Variants in DYNC2H1 observed in about 807,000 individuals in gnomAD.
DYNC2H1 encodes the protein cytoplasmic dynein 2 heavy chain 1.
DYNC2H1 carries 410 observed loss-of-function variants against 570.0 expected under a neutral mutation model. The observed-to-expected ratio is 0.72, with a 90% confidence interval of 0.66 to 0.78. The LOEUF is 0.78. Ranked by LOEUF, DYNC2H1 falls within the 30% of genes least tolerant of loss-of-function variation. DYNC2H1 has a pLI of 0.00. For synonymous variants in DYNC2H1, 1,688 were observed against 1,677.6 expected, an observed-to-expected ratio of 1.01 and a Z score of -0.15; for missense variants, 4,865 against 5,046.4, an observed-to-expected ratio of 0.96 and a Z score of 1.09.
Position 103,304,509 on chromosome 11 carries a change from ATTACTATTATTGAATCTCATAC to A in DYNC2H1, c.11257-84_11257-63del, listed in dbSNP as rs1867191305. 5.0e-6 allele frequency: 7 copies of A among 1,397,190 alleles called. No homozygotes were observed. The South Asian group carries it at 1.2e-4, about 23-fold the overall frequency. 86.5% of individuals were successfully genotyped at this position (1,397,190 alleles called of 1,614,324 possible). Reference sequence around the variant, plus strand: ...TAAAGCCAGTTAGGAAGGTTTAGGGATTACTATTATTGAATCTCATACTGTTATATTACAACATGTTAGCAGA... The same window carrying A: ...TAAAGCCAGTTAGGAAGGTTTAGGGATGTTATATTACAACATGTTAGCAGA... On this transcript the variant is annotated intron_variant, in intron 76 of 88. Transcript: ENST00000375735.
chr11:103,451,545 A>T (rs1944604957), intron 85 of DYNC2H1, among the ~76,000 whole-genome samples: 1 of 151,856 alleles, frequency 6.6e-6, no homozygotes, highest in African/African-American at 2.4e-5. Context: ...GTTGGCCAGG[A>T]TGGTCTCGAT....
In DYNC2H1 at chr11:103,188,527, A is replaced by T. The variant is rs781029433; in HGVS notation, c.7171A>T (p.Asn2391Tyr). ...VLTYQGFYDE[N>Y]LEWVGLENIQ... The stretch of plus-strand genomic sequence containing the variant: ...GACGTATCAAGGATTTTATGATGAA[A>T]ATTTGGAATGGGTTGGTCTAGAAAA... The change falls in exon 44 of 89, where the codon AAT becomes TAT. Residue 2391 changes from asparagine to tyrosine, a missense_variant. Physicochemically the swap from Asn to Tyr is moderately radical, Grantham distance 143. Around this residue, in one of 5 missense-constraint regions of DYNC2H1, gnomAD observed 2,401 missense variants for 2,454.6 expected, o/e 0.98. Coordinates refer to ENST00000375735, the MANE Select transcript of DYNC2H1 (RefSeq NM_001377.3). 3 of 1,607,376 alleles carry T rather than the reference A, an allele frequency of 1.9e-6. No homozygotes were observed. The Admixed American group carries it at 5.0e-5, about 27-fold the overall frequency.
chr11:103,183,042 G>A (rs1439964280), intron 40 of DYNC2H1, among the ~76,000 whole-genome samples: 1 of 151,846 alleles, frequency 6.6e-6, no homozygotes, highest in African/African-American at 2.4e-5. Flanking sequence ...GCAACATACA[G>A]CATCTACCAA....
At chr11:103,110,082 GT>G (rs1858038622) in intron 1 of DYNC2H1, among the ~76,000 whole-genome samples, 1 of 152,196 alleles carries the variant, frequency 6.6e-6, no homozygotes, top group African/African-American at 2.4e-5. Context: ...TGGATGGAGT[GT>G]AGTGGCGCGA....
chr11:103,221,152 G>A (rs893144068), intron 57 of DYNC2H1, among the ~76,000 whole-genome samples: 2 of 151,876 alleles, frequency 1.3e-5, no homozygotes, highest in Non-Finnish European at 2.9e-5. Context: ...TACCGAGAGA[G>A]GGAAAAAGAC....
intron 73 of DYNC2H1, among the ~76,000 whole-genome samples, chr11:103,283,618 T>C (rs1422132209): frequency 2.0e-5 from 3 of 152,210 alleles, no homozygotes; most frequent in Non-Finnish European, 2.9e-5. Flanking sequence ...TTAAAATGTA[T>C]TATCTCACTA....
chr11:103,392,134 G>A (rs955705699), intron 83 of DYNC2H1, among the ~76,000 whole-genome samples: 31 of 152,240 alleles, frequency 2.0e-4, no homozygotes, highest in African/African-American at 5.8e-4. Context: ...TCCTTGAGCT[G>A]CGGTGGACTC....
Position 103,256,376 on chromosome 11 carries a change from T to C in DYNC2H1, c.10461+136T>C. The C allele has an allele frequency of 1.2e-6, 1 of 861,698 alleles. No individual in the cohort carries two copies. Among genetic ancestry groups the C allele is most frequent in the Non-Finnish European group, 1.7e-6 (1 of 582,548 alleles). The allele number at this position is 861,698 out of a possible 1,614,324, so 53.4% of individuals were successfully genotyped here. A position where few individuals can be genotyped will look rare whatever the true frequency, so the allele number is the denominator to read the frequency against. ...AAAGCTATTCAAAAACATCAGAACA[T>C]TGGGTTTGATTCTAGTTATTGTAGA... On this transcript the variant is annotated intron_variant, in intron 68 of 88. Coordinates refer to ENST00000375735, the MANE Select transcript of DYNC2H1 (RefSeq NM_001377.3). This position sits in a 1 kb window ranked among gnomAD's most constrained non-coding sequence, Gnocchi z 4.0.
chr11:103,223,709 A>C (rs1863687217), intron 59 of DYNC2H1, among the ~76,000 whole-genome samples: 1 of 151,360 alleles, frequency 6.6e-6, no homozygotes, highest in Non-Finnish European at 1.5e-5. Flanking sequence ...AAAGTACGAA[A>C]GGAAAGCTTT....
chr11:103,158,020 C>T (rs1273557591), intron 26 of DYNC2H1, among the ~76,000 whole-genome samples: 1 of 152,162 alleles, frequency 6.6e-6, no homozygotes, highest in Admixed American at 6.5e-5. Context: ...TTATGGGTTG[C>T]CCTGTTAGCC....
rs897301628 is a variant in DYNC2H1, at chr11:103,235,924, T to TA, written c.9709+114dup. ...TTATTCTCTGTTATTTTACCTTTTTTAAATGGGGGAAATTTTATATGGGTT... is the reference window on the plus strand; with the variant it reads ...TTATTCTCTGTTATTTTACCTTTTTTAAAATGGGGGAAATTTTATATGGGTT... On this transcript the variant is annotated intron_variant, in intron 62 of 88. Coordinates refer to ENST00000375735, the MANE Select transcript of DYNC2H1 (RefSeq NM_001377.3). 53 of 1,317,542 alleles carry TA rather than the reference T, an allele frequency of 4.0e-5. 1 individual carries two copies. Among genetic ancestry groups the TA allele is most frequent in the Non-Finnish European group, 5.2e-5 (52 of 998,408 alleles). The allele number at this position is 1,317,542 out of a possible 1,614,324, so 81.6% of individuals were successfully genotyped here. A position where few individuals can be genotyped will look rare whatever the true frequency, so the allele number is the denominator to read the frequency against.
rs1008850607 is a variant in DYNC2H1, at chr11:103,307,849, T to C, written c.11493+18T>C. On this transcript the variant is annotated intron_variant, in intron 78 of 88. Coordinates refer to ENST00000375735, the MANE Select transcript of DYNC2H1 (RefSeq NM_001377.3). Reference sequence around the variant, plus strand: ...CATATGAGGTAAGAAGATTTAAAACTTGGATCACCAGTTGTATGAAAGCAG... The same window carrying C: ...CATATGAGGTAAGAAGATTTAAAACCTGGATCACCAGTTGTATGAAAGCAG... The C allele has an allele frequency of 6.8e-7, 1 of 1,459,958 alleles. No homozygotes were observed. Among genetic ancestry groups the C allele is most frequent in the Admixed American group, 1.9e-5 (1 of 53,010 alleles). 90.4% of individuals were successfully genotyped at this position (1,459,958 alleles called of 1,614,324 possible).
At chr11:103,361,616 G>A (rs1940644385) in intron 83 of DYNC2H1, among the ~76,000 whole-genome samples, 2 of 152,086 alleles carry the variant, frequency 1.3e-5, no homozygotes. Context: ...TGGTGAGAAA[G>A]TAAGGAGAGC....
intron 10 of DYNC2H1, among the ~76,000 whole-genome samples, chr11:103,122,008 A>C (rs1858745146): frequency 6.6e-6 from 1 of 152,312 alleles, no homozygotes; most frequent in Admixed American, 6.5e-5. Context: ...AAGTATGTTT[A>C]TGTAACTAAA....
chr11:103,278,468 G>C (rs1463013449), intron 70 of DYNC2H1, among the ~76,000 whole-genome samples: 1 of 152,152 alleles, frequency 6.6e-6, no homozygotes, highest in Non-Finnish European at 1.5e-5. Flanking sequence ...GAGGTCAAGA[G>C]AGATGATGTA....
chr11:103,421,359 G>A (rs1039876141), intron 84 of DYNC2H1, among the ~76,000 whole-genome samples: 1 of 152,044 alleles, frequency 6.6e-6, no homozygotes, highest in African/African-American at 2.4e-5. Context: ...GGATGTGATA[G>A]ATATCTATAC....
chr11:103,141,897 C>T (rs1027105233), intron 17 of DYNC2H1, among the ~76,000 whole-genome samples: 4 of 152,220 alleles, frequency 2.6e-5, no homozygotes, highest in Non-Finnish European at 5.9e-5. Flanking sequence ...TTTACCTAAG[C>T]AAGCCTGGGC....
rs1945662732 is a variant in DYNC2H1, at chr11:103,479,113, T to C, written c.12784T>C (p.Ser4262Pro). ...TAAACAGGATGCATGTGGTCCATAT[T>C]CTCCGGATGAGTGCATCTCTTTGCC... The part of the protein sequence containing the change: ...WIPQDACGPY[S>P]PDECISLPVY... Residue 4262 changes from serine to proline, a missense_variant, in exon 89 of 89, where the codon TCT (serine) becomes CCT (proline). Transcript: ENST00000375735. The C allele has an allele frequency of 1.2e-6, 2 of 1,613,748 alleles. No individual in the cohort carries two copies. The highest frequency in any genetic ancestry group is 1.7e-6 in the Non-Finnish European group (2 of 1,179,704).
intron 25 of DYNC2H1, among the ~76,000 whole-genome samples, chr11:103,155,743 T>G (rs1184456143): frequency 6.6e-6 from 1 of 152,154 alleles, no homozygotes. Context: ...CTAATCACTT[T>G]TAGAAAAGCT....
Sources: allele counts gnomAD v4.1 joint callset (sites outside exome capture counted in the v4.1 genomes callset), GRCh38; gene constraint gnomAD v4.1.1; regional missense constraint gnomAD v4.1.1; non-coding constraint Gnocchi (gnomAD v3.1); transcripts MANE v1.5; gene names NCBI Gene and HGNC (gene_info 2026-07-23, HGNC 2026-07-21).